Variants in GRIP2 observed in about 807,000 individuals in gnomAD.
GRIP2 encodes glutamate receptor-interacting protein 2.
In GRIP2, 58 loss-of-function variants were observed where a neutral mutation model predicts 108.3. The ratio of observed to expected loss-of-function variants is 0.54; its 90% CI spans 0.43 to 0.67. GRIP2 has a LOEUF of 0.67. GRIP2 is among the 30% of genes least tolerant of loss of function. The pLI is 0.00. For missense variants in GRIP2, 1,278 were observed against 1,430.6 expected (o/e 0.89, Z 1.72); for synonymous variants, 586 against 598.2 (o/e 0.98, Z 0.30).
chr3:14,571,122 C>A, the GRIP2 span, among the ~76,000 whole-genome samples: 1 of 152,142 alleles, frequency 6.6e-6, no homozygotes, highest in Admixed American at 6.5e-5. Context: ...AAAAAATCAC[C>A]CCCTGTTGAG....
the GRIP2 span, chr3:14,572,795 T>C: frequency 4.3e-6 from 3 of 701,356 alleles, no homozygotes; most frequent in Admixed American, 4.6e-5. Context: ...CTCAGGGTTG[T>C]CGTGTCTGGC....
the GRIP2 span, among the ~76,000 whole-genome samples, chr3:14,568,546 C>T: frequency 3.9e-5 from 6 of 152,170 alleles, no homozygotes; most frequent in Non-Finnish European, 8.8e-5. Context: ...CTCTCTCATT[C>T]TGTCATGAGC....
At chr3:14,562,521 A>C in the GRIP2 span, among the ~76,000 whole-genome samples, 1 of 152,226 alleles carries the variant, frequency 6.6e-6, no homozygotes, top group Non-Finnish European at 1.5e-5. Flanking sequence ...CAGATACATG[A>C]AGGTAAAGAA....
chr3:14,562,386 C>T, the GRIP2 span, among the ~76,000 whole-genome samples: 8 of 152,288 alleles, frequency 5.3e-5, no homozygotes, highest in East Asian at 1.5e-3. Context: ...ACTTGAACAT[C>T]AGAAAAGAAT....
chr3:14,494,682 C>T (rs1471925286), intron 23 of GRIP2, among the ~76,000 whole-genome samples, 161 bp downstream of exon 23: 3 of 152,198 alleles, frequency 2.0e-5, no homozygotes, highest in African/African-American at 7.2e-5. Flanking sequence ...TGCTCAGCCT[C>T]TGAGGCTGAG....
At chr3:14,581,881 C>T in the GRIP2 span, among the ~76,000 whole-genome samples, 2 of 152,210 alleles carry the variant, frequency 1.3e-5, no homozygotes, top group African/African-American at 2.4e-5. Context: ...GGTTGTGGCT[C>T]AGCTGATAGA....
Position 14,517,862 on chromosome 3 carries a change from C to T in GRIP2, c.1066G>A (p.Asp356Asn), listed in dbSNP as rs1197234079. ...VQRSEQLHRW[D>N]PCVPSCHSPR... is the part of the protein sequence containing the mutation. ...CTGTGGCAGGAGGGCACGCAGGGGT[C>T]CCAGCGGTGCAGCTGCTCACTCCTC... The change falls in exon 10 of 24, where the codon GAC (aspartate) becomes AAC (asparagine). Residue 356 changes from aspartate to asparagine, a missense_variant. Asp to Asn is a conservative substitution (Grantham distance 23). Coordinates refer to ENST00000621039, the MANE Select transcript of GRIP2 (RefSeq NM_001080423.4). 1 of 1,595,912 alleles carries T rather than the reference C, an allele frequency of 6.3e-7. No individual in the cohort carries two copies.
At chr3:14,560,320 G>A (rs544420974), upstream of GRIP2, among the ~76,000 whole-genome samples, 1 of 152,268 alleles carries the variant, frequency 6.6e-6, no homozygotes, top group East Asian at 1.9e-4. Flanking sequence ...CAGTCAATAT[G>A]CTTCTCTGCC....
At chr3:14,567,951 G>A in the GRIP2 span, among the ~76,000 whole-genome samples, 1 of 152,226 alleles carries the variant, frequency 6.6e-6, no homozygotes, top group Non-Finnish European at 1.5e-5. Flanking sequence ...ACCCAACCAT[G>A]CCCAACCATG....
rs1694541276 is a variant in GRIP2, at chr3:14,525,880, G to A, written c.92C>T (p.Ser31Phe). The stretch of plus-strand genomic sequence containing the variant: ...AATGCTCTGTCTGCGGCACGCCAGG[G>A]AAACGTCGGCCCCTCCTGCGTCCTT... ...GGKDAGGADV[S>F]LACRRQSIPE... Residue 31 changes from serine (S) to phenylalanine (F), a missense_variant, in exon 2 of 24, where the codon TCC (serine) becomes TTC (phenylalanine). Coordinates refer to ENST00000621039, the MANE Select transcript of GRIP2 (RefSeq NM_001080423.4). 1.3e-6 allele frequency: 2 copies of A among 1,560,824 alleles called. No homozygotes were observed. The highest frequency in any genetic ancestry group is 1.7e-6 in the Non-Finnish European group (2 of 1,152,260).
At chr3:14,562,788 G>T in the GRIP2 span, among the ~76,000 whole-genome samples, 8 of 152,268 alleles carry the variant, frequency 5.3e-5, no homozygotes, top group African/African-American at 1.9e-4. Context: ...GCCCAGAGTG[G>T]AACTACGTGG....
At chr3:14,516,921 C>T (rs749734505) in intron 11 of GRIP2, 143 bp downstream of exon 11, 11 of 721,644 alleles carry the variant, frequency 1.5e-5, no homozygotes, top group Admixed American at 4.1e-5. Context: ...GCCTGGTGTT[C>T]CACTCATGTT....
chr3:14,498,279 A>G (rs139044668), intron 21 of GRIP2, among the ~76,000 whole-genome samples: 61 of 152,238 alleles, frequency 4.0e-4, no homozygotes, highest in Middle Eastern at 3.4e-3. Context: ...CTGGGCAAAC[A>G]TAGCCAGACA....
At chr3:14,579,489 C>T in the GRIP2 span, among the ~76,000 whole-genome samples, 4 of 152,142 alleles carry the variant, frequency 2.6e-5, no homozygotes, top group Non-Finnish European at 4.4e-5. Flanking sequence ...GATGGGAGGA[C>T]GGGCATGTAG....
At chr3:14,494,268 A>T (rs1693509460) in intron 23 of GRIP2, among the ~76,000 whole-genome samples, 1 of 152,248 alleles carries the variant, frequency 6.6e-6, no homozygotes, top group South Asian at 2.1e-4. Flanking sequence ...GTAAATTGAA[A>T]AAGTGCCATC....
chr3:14,520,131 G>A lies in GRIP2; in HGVS notation c.1009C>T (p.Pro337Ser), dbSNP rs370324159. The A allele has an allele frequency of 4.5e-5, 72 of 1,605,264 alleles. No homozygotes were observed. The African/African-American group carries it at 9.1e-4, about 20-fold the overall frequency. ...EILPVPQSQR[P>S]LRPSEAVKVQ... ...CCACCTGCCTCTGAGGGCCTCAGTG[G>A]CCGCTGACTCTGGGGCACAGGCAGG... The change falls in exon 9 of 24, where the codon CCA becomes TCA. Residue 337 changes from proline to serine, a missense_variant. Physicochemically the swap from Pro to Ser is moderately conservative, Grantham distance 74 (BLOSUM62 -1). Coordinates refer to ENST00000621039, the MANE Select transcript of GRIP2 (RefSeq NM_001080423.4).
chr3:14,542,080 A>G (rs1162573738), upstream of GRIP2: 1 of 1,346,446 alleles, frequency 7.4e-7, no homozygotes, highest in Non-Finnish European at 9.9e-7. Flanking sequence ...GGACAGGCGC[A>G]TGGCACCCAG....
At chr3:14,577,769 T>C in the GRIP2 span, among the ~76,000 whole-genome samples, 3 of 151,994 alleles carry the variant, frequency 2.0e-5, no homozygotes, top group South Asian at 4.1e-4. Context: ...CCTAGGTGCA[T>C]GTGAGGCTGG....
intron 10 of GRIP2, among the ~76,000 whole-genome samples, 197 bp downstream of exon 10, chr3:14,517,575 C>A (rs1190152653): frequency 1.4e-5 from 2 of 145,184 alleles, no homozygotes; most frequent in East Asian, 4.1e-4. Context: ...GATCTTGACT[C>A]ACTGCAGCCT....
Sources: allele counts gnomAD v4.1 joint callset (sites outside exome capture counted in the v4.1 genomes callset), GRCh38; gene constraint gnomAD v4.1.1; transcripts MANE v1.5; gene names NCBI Gene and HGNC (gene_info 2026-07-23, HGNC 2026-07-21).